KCNH1: variants seen among roughly 807,000 people sequenced by gnomAD.
The protein encoded by KCNH1 is voltage-gated delayed rectifier potassium channel KCNH1.
Under a neutral mutation model 69.2 loss-of-function variants are expected in KCNH1, and 27 were observed. The ratio of observed to expected loss-of-function variants is 0.39; its 90% confidence interval spans 0.29 to 0.54. KCNH1 has a LOEUF of 0.54. Ranked by LOEUF, KCNH1 falls within the 20% of genes least tolerant of loss-of-function variation. The pLI is 0.68. For synonymous variants in KCNH1, 456 were observed against 487.7 expected (o/e 0.93, Z 0.86); for missense variants, 798 against 1,261.6 (o/e 0.63, Z 5.57).
intron 6 of KCNH1, among the ~76,000 whole-genome samples, chr1:210,986,736 G>T (rs554943274): frequency 6.6e-6 from 1 of 152,068 alleles, no homozygotes; most frequent in Admixed American, 6.6e-5. Context: ...TCATTTCAAC[G>T]TTGGTGAATC....
rs527657661 is a variant in KCNH1, at chr1:211,090,034, C to G, written c.439+528G>C. ...GTGATCACACAACTGTTTAAATGAC[C>G]CATATAGAAATGTTACTTAGGACCC... is the stretch of plus-strand genomic sequence containing the variant. On this transcript the variant is annotated intron_variant, in intron 4 of 10. Transcript: ENST00000271751. Among the ~76,000 whole-genome samples, 7 of 152,260 alleles carry G rather than the reference C, an allele frequency of 4.6e-5. No homozygotes were observed. The South Asian group carries it at 1.5e-3, about 32-fold the overall frequency.
chr1:211,044,764 A>C (rs1690062257), intron 5 of KCNH1, among the ~76,000 whole-genome samples: 1 of 151,860 alleles, frequency 6.6e-6, no homozygotes, highest in African/African-American at 2.4e-5. Flanking sequence ...AGATGTCAGC[A>C]TGGATGTGGT....
At chr1:211,013,780 A>G (rs1407849794) in intron 6 of KCNH1, among the ~76,000 whole-genome samples, 1 of 152,238 alleles carries the variant, frequency 6.6e-6, no homozygotes, top group East Asian at 1.9e-4. Context: ...AGTTATTTTC[A>G]CAAGGTTGCA....
intron 6 of KCNH1, among the ~76,000 whole-genome samples, chr1:210,997,542 T>TA (rs1300896778): frequency 6.6e-6 from 1 of 152,208 alleles, no homozygotes; most frequent in Non-Finnish European, 1.5e-5. Context: ...CTGATTGGTG[T>TA]ACCTGAAAGT....
intron 10 of KCNH1, among the ~76,000 whole-genome samples, chr1:210,737,679 T>C (rs139265298): frequency 5.3e-5 from 8 of 152,276 alleles, no homozygotes; most frequent in African/African-American, 1.9e-4. Flanking sequence ...CCAAAAGTCC[T>C]CATCAACTCA....
intron 10 of KCNH1, among the ~76,000 whole-genome samples, chr1:210,729,381 C>T (rs1177581417): frequency 6.6e-6 from 1 of 152,196 alleles, no homozygotes; most frequent in African/African-American, 2.4e-5. Flanking sequence ...GGTAGAAATA[C>T]CCCAAGTCTA....
At chr1:210,786,800 T>G (rs1025042275) in intron 9 of KCNH1, among the ~76,000 whole-genome samples, 3 of 152,196 alleles carry the variant, frequency 2.0e-5, no homozygotes, top group African/African-American at 7.2e-5. Flanking sequence ...ATCCAAGTCA[T>G]TCCAGGCTTT....
chr1:211,113,874 C>T (rs1016102008), intron 1 of KCNH1, among the ~76,000 whole-genome samples: 7 of 151,698 alleles, frequency 4.6e-5, no homozygotes, highest in African/African-American at 1.5e-4. Flanking sequence ...CAGGGGAGGA[C>T]GGTGAGTCAG....
In KCNH1 at chr1:210,859,603, T is replaced by A; in HGVS notation, c.1463-55437A>T. On this transcript the variant is annotated intron_variant, in intron 7 of 10. Coordinates refer to ENST00000271751, the MANE Select transcript of KCNH1 (RefSeq NM_172362.3). ...ATCACTCCCCAGTTCCTCGGTTTCA[T>A]CATCATATTCAGCTTCATCATCATC... is the stretch of plus-strand genomic sequence containing the variant. The A allele has an allele frequency of 2.8e-6, 4 of 1,444,066 alleles. No individual in the cohort carries two copies. In the South Asian group the frequency reaches 4.6e-5, roughly 17 times the overall value. 89.5% of individuals were successfully genotyped at this position (1,444,066 alleles called of 1,614,324 possible). A position where few individuals can be genotyped will look rare whatever the true frequency, so the allele number is the denominator to read the frequency against.
intron 6 of KCNH1, among the ~76,000 whole-genome samples, chr1:210,971,790 C>A (rs1303178275): frequency 6.6e-6 from 1 of 151,940 alleles, no homozygotes; most frequent in Non-Finnish European, 1.5e-5. Flanking sequence ...TTCTGGTATA[C>A]ATTGTATATA....
chr1:210,840,407 A>G (rs1003394263), intron 7 of KCNH1, among the ~76,000 whole-genome samples: 2 of 152,226 alleles, frequency 1.3e-5, no homozygotes, highest in African/African-American at 2.4e-5. Context: ...AAGAAAGAAA[A>G]AAGCCAAGGA....
At chr1:211,070,738 C>T (rs1690627370) in intron 5 of KCNH1, among the ~76,000 whole-genome samples, 1 of 151,118 alleles carries the variant, frequency 6.6e-6, no homozygotes. Flanking sequence ...AGGAGAATCG[C>T]TTGAACCCAG....
rs541517606 is a variant in KCNH1, at chr1:210,967,179, G to A, written c.1033-47110C>T. 1.2e-4 allele frequency among the ~76,000 whole-genome samples: 18 copies of A among 152,152 alleles called. No individual in the cohort carries two copies. In the South Asian group the frequency reaches 3.3e-3, roughly 28 times the overall value. ...CACACACTAGGGACTGTCAGGGGTT[G>A]GGGGGCTAGGGGAGGGATAGCATTA... On this transcript the variant is annotated intron_variant, in intron 6 of 10. Transcript: ENST00000271751.
rs560048911 is a variant in KCNH1, at chr1:210,679,121, C to G, written c.*4160G>C. ...TGTTTTTTTCTCTGATGTTTGCAGT[C>G]AGTGCTGAGAGGATCATGAAGTCTC... On this transcript the variant is annotated 3_prime_UTR_variant, in exon 11 of 11. Coordinates refer to ENST00000271751, the MANE Select transcript of KCNH1 (RefSeq NM_172362.3). 6.6e-6 allele frequency: 1 copy of G among 152,210 alleles called. No individual in the cohort carries two copies. Among genetic ancestry groups the G allele is most frequent in the Non-Finnish European group, 1.5e-5 (1 of 68,042 alleles). 9.4% of individuals were successfully genotyped at this position (152,210 alleles called of 1,614,324 possible).
intron 7 of KCNH1, among the ~76,000 whole-genome samples, chr1:210,911,759 T>C (rs757266347): frequency 1.3e-4 from 20 of 152,108 alleles, no homozygotes; most frequent in Non-Finnish European, 1.5e-4. Flanking sequence ...TTGTTGTAAA[T>C]TCCTCTGCCC....
At chr1:210,961,838 C>G (rs1181645207) in intron 6 of KCNH1, among the ~76,000 whole-genome samples, 1 of 107,970 alleles carries the variant, frequency 9.3e-6, no homozygotes, top group Non-Finnish European at 2.0e-5. Context: ...AAAACTGTCT[C>G]AAAAAAAAAG....
Position 210,681,454 on chromosome 1 carries a change from T to G in KCNH1, c.*1827A>C, listed in dbSNP as rs1421223521. ...AAGCTACATATGAGGTTAGGGCTCA[T>G]GGAGCAGGACTCTCCCTTGAGCTCG... On this transcript the variant is annotated 3_prime_UTR_variant, in exon 11 of 11. Transcript: ENST00000271751. 1 of 152,238 alleles carries G rather than the reference T, an allele frequency of 6.6e-6. No homozygotes were observed. Among genetic ancestry groups the G allele is most frequent in the Non-Finnish European group, 1.5e-5 (1 of 68,082 alleles). The allele number at this position is 152,238 out of a possible 1,614,324, so 9.4% of individuals were successfully genotyped here.
chr1:211,087,988 G>T (rs956141584), intron 4 of KCNH1, among the ~76,000 whole-genome samples: 2 of 152,160 alleles, frequency 1.3e-5, no homozygotes, highest in African/African-American at 2.4e-5. Context: ...TGGGCGATTT[G>T]TGGGAAAACT....
rs575170082 is a variant in KCNH1, at chr1:210,708,757, C to T, written c.2113-24619G>A. ...TCCTGCTAGGACAGTAAGTGTCCAA[C>T]GGGTCTTGTTGTAACATTCAGATTC... On this transcript the variant is annotated intron_variant, in intron 10 of 10. Transcript: ENST00000271751. Among the ~76,000 whole-genome samples the T allele has an allele frequency of 2.4e-4, 36 of 152,254 alleles. 1 individual carries two copies. In the South Asian group the frequency reaches 4.8e-3, roughly 20 times the overall value.
Sources: allele counts gnomAD v4.1 joint callset (sites outside exome capture counted in the v4.1 genomes callset), GRCh38; gene constraint gnomAD v4.1.1; transcripts MANE v1.5; gene names NCBI Gene and HGNC (gene_info 2026-07-23, HGNC 2026-07-21).